GABRB2: variants seen among roughly 807,000 people sequenced by gnomAD.
GABRB2 encodes the protein gamma-aminobutyric acid type A receptor subunit beta2.
A neutral mutation model predicts 54.7 loss-of-function variants in GABRB2; 16 were observed. The ratio of observed to expected loss-of-function variants is 0.29; its 90% CI spans 0.20 to 0.44. The LOEUF is 0.44. Among genes scored for constraint, GABRB2 ranks in the 20% least tolerant of loss-of-function variants. The pLI, the probability that GABRB2 is intolerant of heterozygous loss-of-function variation, is 1.00. For synonymous variants in GABRB2, 244 were observed against 233.8 expected (o/e 1.04, Z -0.40); for missense variants, 355 against 644.0 (o/e 0.55, Z 4.86).
intron 3 of GABRB2, among the ~76,000 whole-genome samples, chr5:161,540,409 A>G (rs754047495): frequency 2.0e-5 from 3 of 152,142 alleles, no homozygotes; most frequent in Admixed American, 6.5e-5. Flanking sequence ...TGCTATTTCC[A>G]CCACATCTGC....
chr5:161,301,642 G>T (rs1458926195), intron 9 of GABRB2, among the ~76,000 whole-genome samples: 1 of 152,184 alleles, frequency 6.6e-6, no homozygotes, highest in Non-Finnish European at 1.5e-5. Context: ...GAGAGGGAGG[G>T]AAGAGGTAGA....
intron 6 of GABRB2, 28 bp downstream of exon 6, chr5:161,336,604 T>A (rs962897020): frequency 1.2e-6 from 2 of 1,606,170 alleles, no homozygotes; most frequent in African/African-American, 2.7e-5. Flanking sequence ...AAGATTATTT[T>A]CCCTTAACAC....
intron 3 of GABRB2, among the ~76,000 whole-genome samples, chr5:161,475,269 G>A (rs1758560958): frequency 6.6e-6 from 1 of 151,964 alleles, no homozygotes; most frequent in African/African-American, 2.4e-5. Context: ...CATATGATAT[G>A]TGAAAGTCTA....
chr5:161,516,935 C>G (rs1203266117), intron 3 of GABRB2, among the ~76,000 whole-genome samples: 1 of 152,116 alleles, frequency 6.6e-6, no homozygotes, highest in Non-Finnish European at 1.5e-5. Context: ...CCTTTTGTAT[C>G]TAGTAACAAC....
intron 4 of GABRB2, among the ~76,000 whole-genome samples, chr5:161,412,109 A>G (rs1756531374): frequency 6.6e-6 from 1 of 152,160 alleles, no homozygotes. Flanking sequence ...CCAGCTTGGG[A>G]GAAACGATCT....
At chr5:161,381,012 A>T (rs753238942) in intron 5 of GABRB2, among the ~76,000 whole-genome samples, 7 of 152,196 alleles carry the variant, frequency 4.6e-5, no homozygotes, top group Non-Finnish European at 1.0e-4. Context: ...ACATGCAGAG[A>T]CACAGAGGCT....
rs1286650159 is a variant in GABRB2 at position 161,334,740 on chromosome 5, A to C, written c.832+12T>G. The stretch of plus-strand genomic sequence containing the variant: ...AGAGTCAAAATCCACAAGCAGTAAT[A>C]AAATGGCCTACCTAATGCCACCCTT... On this transcript the variant is annotated intron_variant, in intron 7 of 9. Coordinates refer to ENST00000393959, the MANE Select transcript of GABRB2 (RefSeq NM_001371727.1). 6.2e-7 allele frequency: 1 copy of C among 1,612,588 alleles called. No individual in the cohort carries two copies. Among genetic ancestry groups the C allele is most frequent in the South Asian group, 1.1e-5 (1 of 90,770 alleles).
chr5:161,477,295 A>G (rs1399881205), intron 3 of GABRB2, among the ~76,000 whole-genome samples: 7 of 151,556 alleles, frequency 4.6e-5, no homozygotes, highest in Admixed American at 1.3e-4. Context: ...AAAAAAAAAA[A>G]AAAAAAAGAA....
At chr5:161,511,294 T>C (rs1034175911) in intron 3 of GABRB2, among the ~76,000 whole-genome samples, 4 of 152,012 alleles carry the variant, frequency 2.6e-5, no homozygotes, top group African/African-American at 7.2e-5. Context: ...TATCTAAAAG[T>C]TGACCTTTAA....
At chr5:161,506,601 A>G (rs773292867) in intron 3 of GABRB2, among the ~76,000 whole-genome samples, 8 of 152,282 alleles carry the variant, frequency 5.3e-5, no homozygotes, top group Non-Finnish European at 1.0e-4. Flanking sequence ...TTGTCATGCT[A>G]TAATGACAGA....
At chr5:161,484,068 GA>G (rs891170654) in intron 3 of GABRB2, among the ~76,000 whole-genome samples, 16 of 148,822 alleles carry the variant, frequency 1.1e-4, no homozygotes, top group South Asian at 4.2e-4. Flanking sequence ...CAAAGAAAAT[GA>G]AAAAAAAAGC....
chr5:161,450,063 T>C (rs1052597975), intron 4 of GABRB2, among the ~76,000 whole-genome samples: 2 of 152,202 alleles, frequency 1.3e-5, no homozygotes, highest in Non-Finnish European at 2.9e-5. Flanking sequence ...TCTACTTCCA[T>C]AACACTACTG....
chr5:161,455,213 T>A (rs556024882), intron 4 of GABRB2, among the ~76,000 whole-genome samples: 1 of 151,542 alleles, frequency 6.6e-6, no homozygotes, highest in East Asian at 2.0e-4. Context: ...GTGGGCATGC[T>A]TTTGCAGAAA....
chr5:161,317,383 T>C (rs1758073764), intron 9 of GABRB2, among the ~76,000 whole-genome samples: 1 of 152,150 alleles, frequency 6.6e-6, no homozygotes, highest in African/African-American at 2.4e-5. Flanking sequence ...TACCATCCCG[T>C]CCCACTCTCC....
intron 5 of GABRB2, among the ~76,000 whole-genome samples, chr5:161,346,308 G>A (rs1251671843): frequency 6.6e-6 from 1 of 152,082 alleles, no homozygotes; most frequent in Admixed American, 6.6e-5. Flanking sequence ...TCCAGAAGGA[G>A]CTAATACCTA....
At chr5:161,337,446 T>G (rs1331155190) in intron 5 of GABRB2, among the ~76,000 whole-genome samples, 1 of 151,948 alleles carries the variant, frequency 6.6e-6, no homozygotes, top group Non-Finnish European at 1.5e-5. Flanking sequence ...CTTTGAGGAG[T>G]AGATATAAAT....
In GABRB2 at chr5:161,357,718, A is replaced by G. The variant is rs186129743; in HGVS notation, c.542-20949T>C. 2.0e-4 allele frequency among the ~76,000 whole-genome samples: 30 copies of G among 152,150 alleles called. No homozygotes were observed. The East Asian group carries it at 5.8e-3, about 30-fold the overall frequency. On this transcript the variant is annotated intron_variant, in intron 5 of 9. Transcript: ENST00000393959. Reference sequence around the variant, plus strand: ...TAAAGAAATGATGAGAAATGATGGAATTTTATAAATATTTTGAAGATCCAG... The same window carrying G: ...TAAAGAAATGATGAGAAATGATGGAGTTTTATAAATATTTTGAAGATCCAG...
At chr5:161,425,376 A>G (rs1756969410) in intron 4 of GABRB2, among the ~76,000 whole-genome samples, 1 of 152,048 alleles carries the variant, frequency 6.6e-6, no homozygotes, top group Non-Finnish European at 1.5e-5. Flanking sequence ...AGACACCCCA[A>G]ATCAGCAATC....
chr5:161,420,572 G>A (rs756448526), intron 4 of GABRB2, among the ~76,000 whole-genome samples: 8 of 152,156 alleles, frequency 5.3e-5, no homozygotes, highest in African/African-American at 1.2e-4. Context: ...TCTGCAAAAC[G>A]TGTGGCCAGG....
Sources: allele counts gnomAD v4.1 joint callset (sites outside exome capture counted in the v4.1 genomes callset), GRCh38; gene constraint gnomAD v4.1.1; transcripts MANE v1.5; gene names NCBI Gene and HGNC (gene_info 2026-07-23, HGNC 2026-07-21).